Variants in SELPLG observed in about 807,000 individuals in gnomAD.
SELPLG encodes selectin P ligand, also known as P-selectin glycoprotein ligand 1.
In SELPLG, 2 loss-of-function variants were observed where a neutral mutation model predicts 1.1. The ratio of observed to expected loss-of-function variants is 1.82; its 90% CI spans 0.74 to 5.71. The LOEUF is 5.71. Ranked by LOEUF, SELPLG falls within the 30% of genes most tolerant of loss-of-function variation. The pLI, the probability that SELPLG is intolerant of heterozygous loss-of-function variation, is 0.05. For synonymous variants in SELPLG, 230 were observed against 221.2 expected, an observed-to-expected ratio of 1.04 and a Z score of -0.35; for missense variants, 478 against 524.7, an observed-to-expected ratio of 0.91 and a Z score of 0.87.
intron 1 of SELPLG, chr12:108,628,550 G>A (rs1056899664): frequency 2.0e-5 from 3 of 152,224 alleles, no homozygotes; most frequent in African/African-American, 7.2e-5. Flanking sequence ...CCCCCACTTG[G>A]GCAGTTCTCT....
intron 1 of SELPLG, among the ~76,000 whole-genome samples, chr12:108,630,752 C>T (rs1053168663): frequency 1.2e-4 from 18 of 152,332 alleles, no homozygotes; most frequent in African/African-American, 4.3e-4. Flanking sequence ...TGAGTCCTCC[C>T]AGAAGCCTTT....
Position 108,623,518 on chromosome 12 carries a change from T to G in SELPLG, c.790A>C (p.Thr264Pro). Residue 264 changes from threonine to proline, a missense_variant, in exon 2 of 2, where the codon ACA becomes CCA. Physicochemically the swap from Thr to Pro is conservative, Grantham distance 38. Coordinates refer to ENST00000550948, the MANE Select transcript of SELPLG (RefSeq NM_003006.4). ...TPLAAMEALS[T>P]EPSATEALSM... ...AGGGCCTCTGTGGCACTGGGTTCTG[T>G]GGACAGGGCCTCCATGGCTGCCAGT... 1 of 1,614,282 alleles carries G rather than the reference T, an allele frequency of 6.2e-7. No homozygotes were observed. Among genetic ancestry groups the G allele is most frequent in the Non-Finnish European group, 8.5e-7 (1 of 1,180,050 alleles).
rs2031862364 is a variant in SELPLG, at chr12:108,623,480, A to G, written c.828T>C (p.Pro276=). Residue 276 remains proline (P), a synonymous_variant, in exon 2 of 2, where the codon CCT becomes CCC. Coordinates refer to ENST00000550948, the MANE Select transcript of SELPLG (RefSeq NM_003006.4). ...PSATEALSME[P]TTKRGLFIPF... ...GTATGAACAGACCTCTTTTGGTAGTAGGTTCCATGGACAGGGCCTCTGTGG... is the reference window on the plus strand; with the variant it reads ...GTATGAACAGACCTCTTTTGGTAGTGGGTTCCATGGACAGGGCCTCTGTGG... 6.2e-7 allele frequency: 1 copy of G among 1,614,130 alleles called. No individual in the cohort carries two copies. The highest frequency in any genetic ancestry group is 8.5e-7 in the Non-Finnish European group (1 of 1,180,056).
intron 1 of SELPLG, among the ~76,000 whole-genome samples, chr12:108,631,370 C>T (rs182952951): frequency 6.6e-6 from 1 of 152,298 alleles, no homozygotes; most frequent in East Asian, 1.9e-4. Context: ...TCAAGCGATC[C>T]TCCCAAGTAG....
intron 1 of SELPLG, among the ~76,000 whole-genome samples, chr12:108,631,609 T>G (rs1321619503): frequency 6.6e-6 from 1 of 152,140 alleles, no homozygotes; most frequent in Non-Finnish European, 1.5e-5. Context: ...TTTGGTGGCT[T>G]GCAAACCACA....
At chr12:108,628,370 C>T (rs919657045) in intron 1 of SELPLG, among the ~76,000 whole-genome samples, 9 of 148,258 alleles carry the variant, frequency 6.1e-5, no homozygotes, top group Non-Finnish European at 9.0e-5. Flanking sequence ...CACACTTTTG[C>T]CTCCCAATTT....
intron 1 of SELPLG, among the ~76,000 whole-genome samples, chr12:108,625,907 C>T (rs2031927587): frequency 6.6e-6 from 1 of 152,160 alleles, no homozygotes; most frequent in Admixed American, 6.5e-5. Context: ...TTCAGCAGCA[C>T]ACAACTTTTA....
chr12:108,622,875 G>A lies in SELPLG; in HGVS notation c.*194C>T, dbSNP rs1430839566. On this transcript the variant is annotated 3_prime_UTR_variant, in exon 2 of 2. Transcript: ENST00000550948. ...TCATCCGCGGAGGGAGGAAAGAGGT[G>A]GCTCCACTTGCCCGTCTGCTTGGCC... 1 of 523,984 alleles carries A rather than the reference G, an allele frequency of 1.9e-6. No individual in the cohort carries two copies. Among genetic ancestry groups the A allele is most frequent in the Non-Finnish European group, 3.2e-6 (1 of 307,734 alleles). 32.5% of individuals were successfully genotyped at this position (523,984 alleles called of 1,614,324 possible). A position where few individuals can be genotyped will look rare whatever the true frequency, so the allele number is the denominator to read the frequency against.
At chr12:108,630,796 G>A (rs529337542) in intron 1 of SELPLG, among the ~76,000 whole-genome samples, 9 of 152,294 alleles carry the variant, frequency 5.9e-5, no homozygotes, top group South Asian at 2.1e-4. Flanking sequence ...GTCACCTCCC[G>A]TGTTTAAATC....
chr12:108,625,424 C>T (rs561688480), intron 1 of SELPLG, among the ~76,000 whole-genome samples: 33 of 152,324 alleles, frequency 2.2e-4, no homozygotes, highest in African/African-American at 7.5e-4. Context: ...TGAAGGGATG[C>T]ATGCAAGACC....
At chr12:108,633,367 G>A (rs896570042) in intron 1 of SELPLG, among the ~76,000 whole-genome samples, 6 of 152,294 alleles carry the variant, frequency 3.9e-5, no homozygotes, top group Middle Eastern at 6.8e-3. Flanking sequence ...TGCATGCGGC[G>A]ATGTGCGCCT....
rs539102668 is a variant in SELPLG at position 108,626,641 on chromosome 12, C to A, written c.-5-2329G>T. Among the ~76,000 whole-genome samples the A allele has an allele frequency of 3.1e-4, 47 of 152,050 alleles. No homozygotes were observed. In the Middle Eastern group the frequency reaches 0.01, roughly 33 times the overall value. On this transcript the variant is annotated intron_variant, in intron 1 of 1. Transcript: ENST00000550948. ...CCTCCTGAGTAGTAGGGACTATATG[C>A]ACATGCCACCACATCTGGTTAATTT...
rs772504919 is a variant in SELPLG, at chr12:108,624,102, G to T, written c.206C>A (p.Thr69Asn). The T allele has an allele frequency of 6.2e-7, 1 of 1,614,100 alleles. No homozygotes were observed. The highest frequency in any genetic ancestry group is 8.5e-7 in the Non-Finnish European group (1 of 1,180,030). Reference protein sequence around the residue: ...PPEMLRNSTDTTPLTGPGTPE... With the variant: ...PPEMLRNSTDNTPLTGPGTPE... Reference sequence around the variant, plus strand: ...GGTTCCAGGCCCAGTCAGAGGAGTGGTGTCAGTGCTGTTCCTCAGCATTTC... The same window carrying T: ...GGTTCCAGGCCCAGTCAGAGGAGTGTTGTCAGTGCTGTTCCTCAGCATTTC... Residue 69 changes from threonine to asparagine, a missense_variant, in exon 2 of 2, where the codon ACC becomes AAC. By Grantham distance (65) the Thr-to-Asn change is moderately conservative (BLOSUM62 0). Coordinates refer to ENST00000550948, the MANE Select transcript of SELPLG (RefSeq NM_003006.4).
At chr12:108,632,889 T>C (rs1382575644) in intron 1 of SELPLG, among the ~76,000 whole-genome samples, 2 of 152,202 alleles carry the variant, frequency 1.3e-5, no homozygotes, top group African/African-American at 2.4e-5. Flanking sequence ...AATATTTTAA[T>C]AGTTTGCCAC....
Position 108,632,010 on chromosome 12 carries a change from C to T in SELPLG, c.-6+1730G>A, listed in dbSNP as rs1417116025. 3.1e-6 allele frequency: 4 copies of T among 1,280,136 alleles called. No individual in the cohort carries two copies. In the Admixed American group the frequency reaches 6.1e-5, roughly 20 times the overall value. The allele number at this position is 1,280,136 out of a possible 1,614,324, so 79.3% of individuals were successfully genotyped here. On this transcript the variant is annotated intron_variant, in intron 1 of 1. Coordinates refer to ENST00000550948, the MANE Select transcript of SELPLG (RefSeq NM_003006.4). ...CATGCCGCCAGAGGCAGCTGCTTCT[C>T]CCCTTCAAGCCTCAGTTTTCTCATC...
chr12:108,624,535 C>T (rs982114789), intron 1 of SELPLG, among the ~76,000 whole-genome samples: 1 of 152,120 alleles, frequency 6.6e-6, no homozygotes, highest in Non-Finnish European at 1.5e-5. Context: ...TCCAGGAGGG[C>T]CCTTTAACTT....
rs990552358 is a variant in SELPLG at position 108,631,812 on chromosome 12, G to A, written c.-6+1928C>T. 7.4e-6 allele frequency: 10 copies of A among 1,352,386 alleles called. No individual in the cohort carries two copies. The African/African-American group carries it at 1.2e-4, about 16-fold the overall frequency. 83.8% of individuals were successfully genotyped at this position (1,352,386 alleles called of 1,614,324 possible). A position where few individuals can be genotyped will look rare whatever the true frequency, so the allele number is the denominator to read the frequency against. The stretch of plus-strand genomic sequence containing the variant: ...TTTAAACAGTTTTCTAAACACCCCT[G>A]TGTAGACAGACAGATTAACAAACAC... On this transcript the variant is annotated intron_variant, in intron 1 of 1. Coordinates refer to ENST00000550948, the MANE Select transcript of SELPLG (RefSeq NM_003006.4).
chr12:108,623,570 G>A lies in SELPLG; in HGVS notation c.738C>T (p.Pro246=). 1 of 1,602,754 alleles carries A rather than the reference G, an allele frequency of 6.2e-7. No homozygotes were observed. Among genetic ancestry groups the A allele is most frequent in the Non-Finnish European group, 8.5e-7 (1 of 1,175,832 alleles). Reference sequence around the variant, plus strand: ...GAGTGGTCTGTGCCTCCGTGGCTGTGGGTTGAGTGGTCTGTGCCTCCGTGG... The same window carrying A: ...GAGTGGTCTGTGCCTCCGTGGCTGTAGGTTGAGTGGTCTGTGCCTCCGTGG... ...PEATEAQTTQ[P]TATEAQTTPL... The change falls in exon 2 of 2, where the codon CCC becomes CCT. Residue 246 remains proline, a synonymous_variant. Transcript: ENST00000550948.
At chr12:108,624,660 A>C (rs7306237) in intron 1 of SELPLG, among the ~76,000 whole-genome samples, 11,802 of 149,142 alleles carry the variant, frequency 0.079, 990 homozygotes, top group Admixed American at 0.2. Context: ...TTCTGCTTCT[A>C]GTTCTATTAA....
Sources: gnomAD v4.1 joint callset for allele counts (sites outside exome capture counted in the v4.1 genomes callset) on GRCh38, gnomAD v4.1.1 for gene constraint, MANE v1.5 for transcripts, NCBI Gene and HGNC (gene_info 2026-07-23, HGNC 2026-07-21) for gene names.